The following EIF2AK4 variants were observed in gnomAD, a reference collection of about 807,000 sequenced individuals.
EIF2AK4 encodes eukaryotic translation initiation factor 2 alpha kinase 4, also known as eIF-2-alpha kinase GCN2.
EIF2AK4 carries 139 observed loss-of-function variants against 211.1 expected under a neutral mutation model. That is an observed-to-expected ratio of 0.66 (90% CI 0.57 to 0.76). The LOEUF (loss-of-function observed/expected upper bound fraction) is 0.76, where lower values mean the gene tolerates loss of function less well. Ranked by LOEUF, EIF2AK4 falls within the 30% of genes least tolerant of loss-of-function variation. The pLI is 0.00. For synonymous variants in EIF2AK4, 710 were observed against 751.3 expected (o/e 0.94, Z 0.90); for missense variants, 1,664 against 2,043.8 (o/e 0.81, Z 3.58).
At chr15:39,964,820 A>G (rs575138812) in intron 7 of EIF2AK4, among the ~76,000 whole-genome samples, 4 of 152,364 alleles carry the variant, frequency 2.6e-5, no homozygotes, top group African/African-American at 9.6e-5. Flanking sequence ...CTCATTTTCT[A>G]GCTTCAAATC....
intron 14 of EIF2AK4, among the ~76,000 whole-genome samples, chr15:39,987,710 G>A (rs2034885121): frequency 6.6e-6 from 1 of 152,122 alleles, no homozygotes; most frequent in East Asian, 1.9e-4. Context: ...TATGTTAATT[G>A]TGATAAGTAT....
intron 38 of EIF2AK4, 66 bp from the exon 39 acceptor site, chr15:40,034,961 T>C: frequency 7.5e-7 from 1 of 1,324,864 alleles, no homozygotes; most frequent in Non-Finnish European, 1.0e-6. Context: ...GTTATAAAAA[T>C]TTATTAGCTC....
chr15:39,977,928 A>G (rs1045355019), intron 12 of EIF2AK4, 150 bp from the exon 13 acceptor site: 9 of 432,054 alleles, frequency 2.1e-5, no homozygotes, highest in African/African-American at 1.2e-4. Flanking sequence ...AGCAAGTACA[A>G]ATCAGCACAG....
chr15:39,977,842 C>G (rs2034722536), intron 12 of EIF2AK4: 1 of 319,454 alleles, frequency 3.1e-6, no homozygotes, highest in African/African-American at 2.1e-5. Flanking sequence ...TATGATTACT[C>G]TTCACTATTA....
chr15:39,954,066 A>G lies in EIF2AK4; in HGVS notation c.594+82A>G, dbSNP rs182046939. ...TTCCACTGATGACATCTGTGTTACT[A>G]TCAGTAATACAGCTTAAAATAAAGC... On this transcript the variant is annotated intron_variant, in intron 5 of 38. Transcript: ENST00000263791. 78 of 1,133,844 alleles carry G rather than the reference A, an allele frequency of 6.9e-5. No individual in the cohort carries two copies. In the African/African-American group the frequency reaches 1.1e-3, roughly 16 times the overall value. The allele number at this position is 1,133,844 out of a possible 1,614,324, so 70.2% of individuals were successfully genotyped here.
At chr15:39,972,870 G>T in intron 9 of EIF2AK4, 38 bp from the exon 10 acceptor site, 1 of 1,545,844 alleles carries the variant, frequency 6.5e-7, no homozygotes, top group Non-Finnish European at 8.9e-7. Context: ...AGCACTGATT[G>T]TTTGTGATGC....
At chr15:40,006,352 T>C (rs945582275) in intron 23 of EIF2AK4, among the ~76,000 whole-genome samples, 1 of 152,210 alleles carries the variant, frequency 6.6e-6, no homozygotes, top group African/African-American at 2.4e-5. Context: ...TACATAGCTA[T>C]ACTTAAAGCT....
At position 40,029,473 on chromosome 15, in the gene EIF2AK4, A is replaced by G; in HGVS notation, c.4561+9A>G. On this transcript the variant is annotated intron_variant, in intron 34 of 38. Transcript: ENST00000263791. ...ATTTTCTAATGCTTCAGGTATAATT[A>G]CTAATTATAATCTGAACATAATGAT... 1 of 1,612,274 alleles carries G rather than the reference A, an allele frequency of 6.2e-7. No individual in the cohort carries two copies. Among genetic ancestry groups the G allele is most frequent in the Non-Finnish European group, 8.5e-7 (1 of 1,179,332 alleles).
At chr15:39,961,708 T>C in intron 6 of EIF2AK4, 76 bp from the exon 7 acceptor site, 13 of 1,186,676 alleles carry the variant, frequency 1.1e-5, no homozygotes, top group Non-Finnish European at 1.6e-5. Flanking sequence ...TGTTAATCTA[T>C]AACATTCCTA....
At chr15:39,982,363 A>G (rs1057175391) in intron 13 of EIF2AK4, among the ~76,000 whole-genome samples, 2 of 152,208 alleles carry the variant, frequency 1.3e-5, no homozygotes, top group East Asian at 3.8e-4. Context: ...CTTCTTAGCC[A>G]TAGATGGTTA....
chr15:39,955,538 A>G (rs1228709813), intron 5 of EIF2AK4, 82 bp from the exon 6 acceptor site: 11 of 1,411,748 alleles, frequency 7.8e-6, no homozygotes, highest in African/African-American at 5.9e-5. Flanking sequence ...TTTGCATTCT[A>G]TACTGAATTA....
intron 6 of EIF2AK4, among the ~76,000 whole-genome samples, chr15:39,961,549 T>C (rs1401920657): frequency 6.6e-6 from 1 of 152,166 alleles, no homozygotes; most frequent in Non-Finnish European, 1.5e-5. Context: ...GTGGTTTTCA[T>C]GTGGAGAAGA....
chr15:40,021,217 T>C (rs887631338), intron 31 of EIF2AK4, among the ~76,000 whole-genome samples, 190 bp downstream of exon 31: 6 of 152,228 alleles, frequency 3.9e-5, no homozygotes, highest in Admixed American at 3.9e-4. Context: ...TTTATTATCT[T>C]ACATTTCTGG....
rs761729284 is a variant in EIF2AK4 at position 40,030,349 on chromosome 15, TTG to T, written c.4562-9_4562-8del. On this transcript the variant is annotated splice_polypyrimidine_tract_variant and splice_region_variant and intron_variant, in intron 34 of 38. Transcript: ENST00000263791. ...TAAGGCCATAAATTCTGAAACTCTC[TTG>T]GTCTCAGGTTTGTTTGAAATCCATG... 3.5e-5 allele frequency: 57 copies of T among 1,613,392 alleles called. No homozygotes were observed. Among genetic ancestry groups the T allele is most frequent in the East Asian group, 1.1e-4 (5 of 44,896 alleles).
At chr15:39,960,700 G>A (rs1026666638) in intron 6 of EIF2AK4, among the ~76,000 whole-genome samples, 1 of 152,098 alleles carries the variant, frequency 6.6e-6, no homozygotes, top group Admixed American at 6.6e-5. Flanking sequence ...CCCAGAGAGA[G>A]GGGCTGACTG....
rs2034557977 is a variant in EIF2AK4 at position 39,967,338 on chromosome 15, TA to T, written c.1018-5del. The T allele has an allele frequency of 1.9e-6, 3 of 1,555,952 alleles. No homozygotes were observed. Among genetic ancestry groups the T allele is most frequent in the African/African-American group, 2.8e-5 (2 of 72,686 alleles). On this transcript the variant is annotated splice_region_variant and splice_polypyrimidine_tract_variant and intron_variant, in intron 8 of 38. Coordinates refer to ENST00000263791, the MANE Select transcript of EIF2AK4 (RefSeq NM_001013703.4). ...ATATTCTTTTTTTTTTTTTTTAACT[TA>T]TCAGATTCAAGGAACAGAAACAGAA...
chr15:39,957,246 AGT>A (rs2034403772), intron 6 of EIF2AK4, among the ~76,000 whole-genome samples: 1 of 152,240 alleles, frequency 6.6e-6, no homozygotes, highest in Admixed American at 6.5e-5. Context: ...AACTATAAAC[AGT>A]GAATCCAAGG....
At chr15:39,945,052 A>G (rs1251676748) in intron 3 of EIF2AK4, among the ~76,000 whole-genome samples, 1 of 152,222 alleles carries the variant, frequency 6.6e-6, no homozygotes, top group African/African-American at 2.4e-5. Flanking sequence ...AGGGGATTCC[A>G]GTGTCTAACT....
intron 30 of EIF2AK4, 86 bp from the exon 31 acceptor site, chr15:40,020,813 A>G: frequency 7.9e-7 from 1 of 1,273,688 alleles, no homozygotes; most frequent in Non-Finnish European, 1.1e-6. Context: ...TCTTCCCAAG[A>G]GTGCTGCCTC....
Sources: allele counts gnomAD v4.1 joint callset (sites outside exome capture counted in the v4.1 genomes callset), GRCh38; gene constraint gnomAD v4.1.1; transcripts MANE v1.5; gene names NCBI Gene and HGNC (gene_info 2026-07-23, HGNC 2026-07-21).